The following PTPN12 variants were observed in gnomAD, a reference collection of about 807,000 sequenced individuals.
PTPN12 encodes the protein protein tyrosine phosphatase non-receptor type 12.
A neutral mutation model predicts 97.6 loss-of-function variants in PTPN12; 29 were observed. The ratio of observed to expected loss-of-function variants is 0.30; its 90% CI spans 0.22 to 0.41. The LOEUF is 0.41. Ranked by LOEUF, PTPN12 falls within the 10% of genes least tolerant of loss-of-function variation. The pLI is 1.00. For missense variants in PTPN12, 819 were observed against 926.0 expected (o/e 0.88, Z 1.50); for synonymous variants, 327 against 300.4 (o/e 1.09, Z -0.91).
intron 12 of PTPN12, among the ~76,000 whole-genome samples, chr7:77,621,670 C>CA (rs34455758): frequency 0.2 from 30,026 of 147,980 alleles, 3,388 homozygotes; most frequent in African/African-American, 0.31. Flanking sequence ...GACTCCATCT[C>CA]AAAAAAAAAA....
At position 77,599,042 on chromosome 7, in the gene PTPN12, A is replaced by G. The variant is rs113532954; in HGVS notation, c.552+1141A>G. On this transcript the variant is annotated intron_variant, in intron 7 of 17. Transcript: ENST00000248594. ...ATTTTTTAGTTACGAAGATGAAATG[A>G]GAGTGTAATATTTAGTCTTGACATT... 1.2e-3 allele frequency among the ~76,000 whole-genome samples: 181 copies of G among 151,490 alleles called. 3 individuals carry two copies. The highest frequency in any genetic ancestry group is 4.2e-3 in the African/African-American group (175 of 41,436).
At chr7:77,616,800 T>G (rs1788766189) in intron 11 of PTPN12, among the ~76,000 whole-genome samples, 1 of 152,178 alleles carries the variant, frequency 6.6e-6, no homozygotes, top group African/African-American at 2.4e-5. Context: ...TGTTTTTTTT[T>G]GAGACGGAGT....
Position 77,571,366 on chromosome 7 carries a change from TTTTG to T in PTPN12, c.208+184_208+187del, listed in dbSNP as rs757330029. On this transcript the variant is annotated intron_variant, in intron 2 of 17. Transcript: ENST00000248594. ...TTTTGTTTTTCCTTCTGATCCTAAT[TTTTG>T]TTTAATTTTTTTCCTGTAAGTATCA... Among the ~76,000 whole-genome samples the T allele has an allele frequency of 6.8e-4, 103 of 152,336 alleles. 1 individual carries two copies. The highest frequency in any genetic ancestry group is 1.2e-3 in the Non-Finnish European group (82 of 68,028).
intron 9 of PTPN12, among the ~76,000 whole-genome samples, chr7:77,609,883 A>G (rs1237427862): frequency 1.4e-5 from 2 of 142,582 alleles, no homozygotes; most frequent in Non-Finnish European, 3.0e-5. Flanking sequence ...TCCGTCTCAA[A>G]AAAAAAACAA....
intron 3 of PTPN12, among the ~76,000 whole-genome samples, chr7:77,582,084 CTTTTTTTTTTTTTT>C (rs11341609): frequency 3.2e-4 from 17 of 52,868 alleles, no homozygotes; most frequent in Middle Eastern, 0.016. Flanking sequence ...CAGTCAAGTT[CTTTTTTTTTTTTTT>C]TTTTTTTTTT....
chr7:77,579,615 A>G (rs1324232250), intron 2 of PTPN12, among the ~76,000 whole-genome samples: 1 of 152,210 alleles, frequency 6.6e-6, no homozygotes, highest in Non-Finnish European at 1.5e-5. Context: ...TCTCTGTACT[A>G]TTTTTACAGT....
chr7:77,567,597 T>G (rs1306075647), intron 1 of PTPN12, among the ~76,000 whole-genome samples: 1 of 152,176 alleles, frequency 6.6e-6, no homozygotes, highest in Non-Finnish European at 1.5e-5. Context: ...ACCTCAGACC[T>G]ACTGAATCAG....
intron 11 of PTPN12, among the ~76,000 whole-genome samples, chr7:77,613,868 T>C (rs1406317109): frequency 6.6e-6 from 1 of 151,796 alleles, no homozygotes; most frequent in Non-Finnish European, 1.5e-5. Flanking sequence ...TAAAGTTCTT[T>C]TATTGCAATA....
At chr7:77,597,110 AGTTT>A (rs1357843431) in intron 6 of PTPN12, among the ~76,000 whole-genome samples, 1 of 151,794 alleles carries the variant, frequency 6.6e-6, no homozygotes, top group Non-Finnish European at 1.5e-5. Context: ...GAAGTCATAT[AGTTT>A]GTTTTTGTTT....
intron 4 of PTPN12, 47 bp downstream of exon 4, chr7:77,583,697 A>C: frequency 8.3e-7 from 1 of 1,202,036 alleles, no homozygotes; most frequent in Non-Finnish European, 1.2e-6. Context: ...TACTTATGTA[A>C]TAACATAGGC....
chr7:77,558,342 C>A (rs942385483), intron 1 of PTPN12, among the ~76,000 whole-genome samples: 1 of 152,094 alleles, frequency 6.6e-6, no homozygotes, highest in African/African-American at 2.4e-5. Context: ...AGTTTGGCCA[C>A]TTCTAATAGA....
chr7:77,609,990 A>C (rs1020996059), intron 9 of PTPN12, among the ~76,000 whole-genome samples: 2 of 152,186 alleles, frequency 1.3e-5, no homozygotes, highest in Admixed American at 1.3e-4. Context: ...TCACTCCAAA[A>C]TATTCTTGTT....
chr7:77,624,784 T>A (rs1435710989), intron 12 of PTPN12, among the ~76,000 whole-genome samples: 1 of 151,968 alleles, frequency 6.6e-6, no homozygotes, highest in Non-Finnish European at 1.5e-5. Context: ...ATGTGATTAC[T>A]GCCAGTTATC....
In PTPN12 at chr7:77,538,029, A is replaced by G. The variant is rs1381233612; in HGVS notation, c.99+384A>G. On this transcript the variant is annotated intron_variant, in intron 1 of 17. Transcript: ENST00000248594. ...CCTCCCCGCGCAGTTCGCTCCTCCC[A>G]GGAGGGTCGAGGCAAGGTATCTGGC... 62 of 1,014,808 alleles carry G rather than the reference A, an allele frequency of 6.1e-5. No individual in the cohort carries two copies. In the Middle Eastern group the frequency reaches 1.5e-3, roughly 24 times the overall value. The allele number at this position is 1,014,808 out of a possible 1,614,324, so 62.9% of individuals were successfully genotyped here.
intron 11 of PTPN12, among the ~76,000 whole-genome samples, chr7:77,612,290 G>A (rs1035678536): frequency 6.6e-6 from 1 of 152,094 alleles, no homozygotes; most frequent in African/African-American, 2.4e-5. Context: ...TAAGTTTTAT[G>A]TGACATCGTT....
At chr7:77,607,118 AT>A in intron 8 of PTPN12, 116 bp from the exon 9 acceptor site, 1 of 778,622 alleles carries the variant, frequency 1.3e-6, no homozygotes, top group Non-Finnish European at 2.0e-6. Flanking sequence ...ACTAAGTAGA[AT>A]TTTGTCAAAC....
chr7:77,537,738 T>C, intron 1 of PTPN12, 93 bp downstream of exon 1: 2 of 1,327,306 alleles, frequency 1.5e-6, no homozygotes, highest in East Asian at 3.1e-5. Flanking sequence ...TGTGTACCTC[T>C]GTGAGGAGAG....
intron 1 of PTPN12, among the ~76,000 whole-genome samples, chr7:77,562,907 C>T (rs954258723): frequency 1.2e-4 from 16 of 138,474 alleles, no homozygotes; most frequent in Admixed American, 1.6e-4. Flanking sequence ...TATTTTCTCA[C>T]GAAGGGACAG....
intron 5 of PTPN12, 24 bp downstream of exon 5, chr7:77,585,605 C>T: frequency 6.4e-7 from 1 of 1,561,200 alleles, no homozygotes; most frequent in South Asian, 1.1e-5. Flanking sequence ...ATTCCTCTTA[C>T]TATTTCATTT....
Sources: gnomAD v4.1 joint callset for allele counts (sites outside exome capture counted in the v4.1 genomes callset) on GRCh38, gnomAD v4.1.1 for gene constraint, MANE v1.5 for transcripts, NCBI Gene and HGNC (gene_info 2026-07-23, HGNC 2026-07-21) for gene names.